RIMS1: variants seen among roughly 807,000 people sequenced by gnomAD.
RIMS1 encodes regulating synaptic membrane exocytosis 1, also known as regulating synaptic membrane exocytosis protein 1.
Under a neutral mutation model 214.1 loss-of-function variants are expected in RIMS1, and 83 were observed. The ratio of observed to expected loss-of-function variants is 0.39; its 90% CI spans 0.32 to 0.47. The LOEUF is 0.47. Ranked by LOEUF, RIMS1 falls within the 20% of genes least tolerant of loss-of-function variation. RIMS1 has a pLI of 0.99. For missense variants in RIMS1, 2,050 were observed against 2,161.8 expected, an observed-to-expected ratio of 0.95 and a Z score of 1.03; for synonymous variants, 793 against 786.8, an observed-to-expected ratio of 1.01 and a Z score of -0.13.
At chr6:72,006,591 C>A (rs1807732228) in intron 2 of RIMS1, among the ~76,000 whole-genome samples, 1 of 152,190 alleles carries the variant, frequency 6.6e-6, no homozygotes, top group Admixed American at 6.5e-5. Flanking sequence ...AAAGGGGTGA[C>A]AGATGGCACC....
intron 2 of RIMS1, among the ~76,000 whole-genome samples, chr6:72,086,135 A>G (rs1834604625): frequency 6.6e-6 from 1 of 152,182 alleles, no homozygotes; most frequent in Non-Finnish European, 1.5e-5. Context: ...AAGTCCTGGC[A>G]AAGAAGAAAA....
In RIMS1 at chr6:72,182,392, A is replaced by G. The variant is rs1470059530; in HGVS notation, c.921A>G (p.Glu307=). ...SAQPVEGAVE[E]RERKERRESR... is the part of the protein sequence containing the mutation. ...AGCCCGTGGAGGGGGCCGTCGAAGA[A>G]CGGGAGCGCAAAGAAAGGCGGGAAA... is the stretch of plus-strand genomic sequence containing the variant. The change falls in exon 6 of 34, where the codon GAA becomes GAG. Residue 307 remains glutamate, a synonymous_variant. Coordinates refer to ENST00000521978, the MANE Select transcript of RIMS1 (RefSeq NM_014989.7). The G allele has an allele frequency of 6.2e-7, 1 of 1,613,836 alleles. No individual in the cohort carries two copies. The highest frequency in any genetic ancestry group is 1.7e-5 in the Admixed American group (1 of 60,014).
intron 2 of RIMS1, among the ~76,000 whole-genome samples, chr6:72,085,658 A>G (rs1362685194): frequency 1.3e-5 from 2 of 152,102 alleles, no homozygotes; most frequent in African/African-American, 4.8e-5. Context: ...GATAATTTGC[A>G]CCAGAACTAC....
chr6:72,271,991 A>T (rs2083627658), intron 22 of RIMS1, among the ~76,000 whole-genome samples: 1 of 152,136 alleles, frequency 6.6e-6, no homozygotes, highest in African/African-American at 2.4e-5. Context: ...CAAGAAATAG[A>T]TGTTCCTCAA....
At chr6:72,234,358 A>G (rs1452787553) in intron 7 of RIMS1, among the ~76,000 whole-genome samples, 1 of 152,022 alleles carries the variant, frequency 6.6e-6, no homozygotes, top group Admixed American at 6.6e-5. Context: ...ACTTGTGTCT[A>G]TAGGAAAGAA....
At chr6:71,914,028 T>G (rs547673587) in intron 1 of RIMS1, among the ~76,000 whole-genome samples, 78 of 152,290 alleles carry the variant, frequency 5.1e-4, no homozygotes, top group African/African-American at 1.6e-3. Context: ...CACTCTTTAC[T>G]GCCCATTTTA....
intron 2 of RIMS1, among the ~76,000 whole-genome samples, chr6:72,007,405 A>G (rs974920238): frequency 6.6e-6 from 1 of 152,204 alleles, no homozygotes; most frequent in Non-Finnish European, 1.5e-5. Flanking sequence ...AAAATTCTAA[A>G]ACTCAGAGTG....
chr6:72,353,131 C>T (rs1229490485), intron 29 of RIMS1, among the ~76,000 whole-genome samples: 1 of 151,504 alleles, frequency 6.6e-6, no homozygotes, highest in African/African-American at 2.4e-5. Flanking sequence ...ATTACAGGCA[C>T]CCACTACCAC....
At chr6:72,249,120 T>C (rs1026174907) in intron 12 of RIMS1, among the ~76,000 whole-genome samples, 6 of 152,194 alleles carry the variant, frequency 3.9e-5, no homozygotes, top group Non-Finnish European at 8.8e-5. Context: ...AATCCTATGT[T>C]AAATTAGTTT....
At chr6:72,275,363 T>C (rs150079824) in intron 23 of RIMS1, among the ~76,000 whole-genome samples, 2 of 151,722 alleles carry the variant, frequency 1.3e-5, no homozygotes, top group African/African-American at 4.8e-5. Flanking sequence ...TTTTTTTTAG[T>C]GTGTGTGCGT....
At chr6:72,323,781 TA>T (rs1019571548) in intron 28 of RIMS1, among the ~76,000 whole-genome samples, 3 of 151,690 alleles carry the variant, frequency 2.0e-5, no homozygotes, top group African/African-American at 7.3e-5. Context: ...GTAATCAAAG[TA>T]CAGAAAACTA....
At chr6:72,211,076 G>T (rs1350360709) in intron 6 of RIMS1, among the ~76,000 whole-genome samples, 1 of 152,150 alleles carries the variant, frequency 6.6e-6, no homozygotes, top group African/African-American at 2.4e-5. Context: ...ATGTTTTTAT[G>T]CCATAACCTT....
intron 29 of RIMS1, among the ~76,000 whole-genome samples, chr6:72,358,682 A>G (rs2154380712): frequency 6.6e-6 from 1 of 152,342 alleles, no homozygotes; most frequent in South Asian, 2.1e-4. Context: ...TAAGATAAAA[A>G]GATGAGAGAA....
intron 6 of RIMS1, chr6:72,217,244 G>A (rs1037810606): frequency 1.9e-5 from 29 of 1,533,636 alleles, no homozygotes; most frequent in Non-Finnish European, 2.3e-5. Flanking sequence ...TCAGGAACAG[G>A]TAAACTAAAT....
chr6:72,317,739 A>G (rs73750476), intron 28 of RIMS1, among the ~76,000 whole-genome samples: 232 of 152,266 alleles, frequency 1.5e-3, no homozygotes, highest in African/African-American at 5.3e-3. Flanking sequence ...AGAGTTATCT[A>G]TATATCCAAT....
chr6:72,326,058 T>A (rs1195788055), intron 28 of RIMS1, among the ~76,000 whole-genome samples: 3 of 151,828 alleles, frequency 2.0e-5, no homozygotes, highest in Non-Finnish European at 4.4e-5. Flanking sequence ...TTTTTGTTAT[T>A]TAACTTTTAA....
chr6:72,368,782 G>A (rs1230174537), intron 29 of RIMS1, among the ~76,000 whole-genome samples: 2 of 152,094 alleles, frequency 1.3e-5, no homozygotes, highest in Non-Finnish European at 2.9e-5. Context: ...TTTTCATAGA[G>A]TAGTTCATGG....
intron 1 of RIMS1, among the ~76,000 whole-genome samples, chr6:71,900,370 T>C (rs1773230809): frequency 6.6e-6 from 1 of 152,042 alleles, no homozygotes; most frequent in African/African-American, 2.4e-5. Flanking sequence ...CAGGTCATGT[T>C]TTAGAGTTTT....
At position 72,182,286 on chromosome 6, in the gene RIMS1, A is replaced by G. The variant is rs759510282; in HGVS notation, c.815A>G (p.Lys272Arg). 1 of 1,568,642 alleles carries G rather than the reference A, an allele frequency of 6.4e-7. No homozygotes were observed. The highest frequency in any genetic ancestry group is 2.0e-5 in the Admixed American group (1 of 50,028). The change falls in exon 6 of 34, where the codon AAG becomes AGG. Residue 272 changes from lysine to arginine, a missense_variant and splice_region_variant. By Grantham distance (26) the Lys-to-Arg change is conservative (BLOSUM62 2). This residue lies in a region of RIMS1 where 882 missense variants were observed against 828.9 expected (regional missense o/e 1.06). Coordinates refer to ENST00000521978, the MANE Select transcript of RIMS1 (RefSeq NM_014989.7). ...TGACGTTCCTTTGTATATCATAGAAAGAAGACCCCAGGGCTTTCCGAGCAG... is the reference window on the plus strand; with the variant it reads ...TGACGTTCCTTTGTATATCATAGAAGGAAGACCCCAGGGCTTTCCGAGCAG... ...RSRSEPPRER[K>R]KTPGLSEQNG...
Sources: gnomAD v4.1 joint callset for allele counts (sites outside exome capture counted in the v4.1 genomes callset) on GRCh38, gnomAD v4.1.1 for gene constraint, gnomAD v4.1.1 regional missense constraint, MANE v1.5 for transcripts, NCBI Gene and HGNC (gene_info 2026-07-23, HGNC 2026-07-21) for gene names.